The following SCAPER variants were observed in gnomAD, a reference collection of about 807,000 sequenced individuals.
SCAPER encodes S phase cyclin A-associated protein in the endoplasmic reticulum.
SCAPER carries 98 observed loss-of-function variants against 182.2 expected under a neutral mutation model. The ratio of observed to expected loss-of-function variants is 0.54; its 90% CI spans 0.46 to 0.64. The LOEUF is 0.64. SCAPER is among the 30% of genes least tolerant of loss of function. The probability of loss-of-function intolerance (pLI) is 0.00; values close to 1 mark genes in which losing one functional copy is unlikely to be tolerated. For missense variants in SCAPER, 1,432 were observed against 1,690.0 expected, an observed-to-expected ratio of 0.85 and a Z score of 2.68; for synonymous variants, 605 against 564.6, an observed-to-expected ratio of 1.07 and a Z score of -1.01.
chr15:76,505,991 G>A (rs1338248530), intron 23 of SCAPER, among the ~76,000 whole-genome samples: 2 of 152,108 alleles, frequency 1.3e-5, no homozygotes, highest in Non-Finnish European at 2.9e-5. Flanking sequence ...AATGAGCCAG[G>A]TGAAGTAAGA....
chr15:76,664,183 C>T (rs899806497), intron 21 of SCAPER, among the ~76,000 whole-genome samples: 11 of 152,134 alleles, frequency 7.2e-5, no homozygotes, highest in Non-Finnish European at 1.3e-4. Context: ...TACATTTTAG[C>T]AGGTCTGTTG....
chr15:76,905,066 C>T (rs1237257374), intron 1 of SCAPER: 1 of 152,838 alleles, frequency 6.5e-6, no homozygotes, highest in African/African-American at 2.4e-5. Context: ...CCCCAGCCCC[C>T]GTCCCGAGGC....
intron 18 of SCAPER, among the ~76,000 whole-genome samples, chr15:76,705,446 C>T (rs2059206283): frequency 6.6e-6 from 1 of 150,762 alleles, no homozygotes; most frequent in Non-Finnish European, 1.5e-5. Flanking sequence ...ATACCTAATG[C>T]TAAATGACAA....
intron 26 of SCAPER, among the ~76,000 whole-genome samples, chr15:76,405,135 G>A: frequency 8.2e-6 from 1 of 121,262 alleles, no homozygotes; most frequent in Middle Eastern, 6.5e-3. Context: ...TTTTTTTAGA[G>A]ACAGCGTCTC....
intron 17 of SCAPER, 87 bp downstream of exon 17, chr15:76,728,508 A>C: frequency 1.9e-6 from 3 of 1,554,834 alleles, no homozygotes; most frequent in Admixed American, 1.9e-5. Context: ...ATCTCAAAAA[A>C]ACTCTACATG....
rs758215425 is a variant in SCAPER, at chr15:76,733,382, T to G, written c.1869A>C (p.Val623=). 5 of 1,611,400 alleles carry G rather than the reference T, an allele frequency of 3.1e-6. No homozygotes were observed. Among genetic ancestry groups the G allele is most frequent in the Non-Finnish European group, 4.2e-6 (5 of 1,179,262 alleles). Residue 623 remains valine (V), a splice_region_variant and synonymous_variant, in exon 16 of 32, where the codon GTA becomes GTC. Transcript: ENST00000563290. Reference sequence around the variant, plus strand: ...GGGTATTTATAAAGGCAATTTCATTTACCTTTAAAAAAACAAAGAAGGTAA... The same window carrying G: ...GGGTATTTATAAAGGCAATTTCATTGACCTTTAAAAAAACAAAGAAGGTAA... The part of the protein sequence containing the change: ...VKKAQEEEAK[V]NEIAFINTLE...
chr15:76,662,935 A>G (rs1431995223), intron 21 of SCAPER, among the ~76,000 whole-genome samples: 1 of 152,102 alleles, frequency 6.6e-6, no homozygotes, highest in African/African-American at 2.4e-5. Flanking sequence ...AAAGCACTAG[A>G]CATAAAAGAA....
chr15:76,626,428 T>C (rs2052576902), intron 21 of SCAPER, among the ~76,000 whole-genome samples: 1 of 152,042 alleles, frequency 6.6e-6, no homozygotes, highest in Non-Finnish European at 1.5e-5. Context: ...AAAAGATACA[T>C]AATTCCAGCC....
intron 24 of SCAPER, among the ~76,000 whole-genome samples, chr15:76,471,624 C>T (rs1003008471): frequency 6.6e-6 from 1 of 152,148 alleles, no homozygotes; most frequent in African/African-American, 2.4e-5. Flanking sequence ...TTTCTGAATA[C>T]TCTAAGACTA....
intron 25 of SCAPER, among the ~76,000 whole-genome samples, chr15:76,444,201 T>C (rs1478286238): frequency 6.6e-6 from 1 of 152,186 alleles, no homozygotes; most frequent in Non-Finnish European, 1.5e-5. Context: ...TCCTGATTTG[T>C]CTCCTTCTGA....
chr15:76,437,313 G>A (rs962344301), intron 25 of SCAPER, among the ~76,000 whole-genome samples: 2 of 151,874 alleles, frequency 1.3e-5, no homozygotes, highest in Non-Finnish European at 2.9e-5. Context: ...TTCTTCTGGC[G>A]TTTTGCTAGT....
At chr15:76,761,648 T>C (rs1452335685) in intron 14 of SCAPER, among the ~76,000 whole-genome samples, 1 of 152,244 alleles carries the variant, frequency 6.6e-6, no homozygotes, top group East Asian at 1.9e-4. Flanking sequence ...GTCTAAAAGA[T>C]ATTGGTATGA....
intron 22 of SCAPER, among the ~76,000 whole-genome samples, chr15:76,614,784 T>C (rs1432260325): frequency 6.6e-6 from 1 of 152,162 alleles, no homozygotes; most frequent in African/African-American, 2.4e-5. Context: ...CAGGGATAAA[T>C]GAAACAGAAT....
chr15:76,820,680 G>A (rs942798803), intron 5 of SCAPER, among the ~76,000 whole-genome samples: 1 of 151,136 alleles, frequency 6.6e-6, no homozygotes, highest in Non-Finnish European at 1.5e-5. Flanking sequence ...CATGGCACAT[G>A]TATACATATG....
At chr15:76,535,686 A>C (rs2144637493) in intron 23 of SCAPER, among the ~76,000 whole-genome samples, 1 of 152,242 alleles carries the variant, frequency 6.6e-6, no homozygotes, top group South Asian at 2.1e-4. Context: ...TGGCCTACAG[A>C]AATGCACCAA....
intron 26 of SCAPER, among the ~76,000 whole-genome samples, chr15:76,420,704 T>C (rs2142334698): frequency 6.6e-6 from 1 of 152,292 alleles, no homozygotes. Flanking sequence ...ATGCGCCATG[T>C]TGGTGTGCTG....
intron 21 of SCAPER, among the ~76,000 whole-genome samples, chr15:76,658,353 C>T (rs555522832): frequency 6.6e-6 from 1 of 152,098 alleles, no homozygotes; most frequent in Admixed American, 6.5e-5. Context: ...TACAGCTAAC[C>T]ATGGAGTTGA....
In SCAPER at chr15:76,497,372, T is replaced by C. The variant is rs112512301; in HGVS notation, c.2954+7487A>G. Among the ~76,000 whole-genome samples, 296 of 152,232 alleles carry C rather than the reference T, an allele frequency of 1.9e-3. 3 individuals carry two copies. Among genetic ancestry groups the C allele is most frequent in the African/African-American group, 6.5e-3 (268 of 41,536 alleles). On this transcript the variant is annotated intron_variant, in intron 24 of 31. Transcript: ENST00000563290. ...GTAGATTGGTTGCTCTTGAGTCAGATGACCTCTCTTTAGAGTTTAGTCAGC... is the reference window on the plus strand; with the variant it reads ...GTAGATTGGTTGCTCTTGAGTCAGACGACCTCTCTTTAGAGTTTAGTCAGC...
intron 5 of SCAPER, among the ~76,000 whole-genome samples, chr15:76,813,843 G>A (rs1191223590): frequency 2.0e-5 from 3 of 152,138 alleles, no homozygotes; most frequent in African/African-American, 7.2e-5. Context: ...GCTATTCCAT[G>A]TTTATGGGTT....
Sources: gnomAD v4.1 joint callset for allele counts (sites outside exome capture counted in the v4.1 genomes callset) on GRCh38, gnomAD v4.1.1 for gene constraint, MANE v1.5 for transcripts, NCBI Gene and HGNC (gene_info 2026-07-23, HGNC 2026-07-21) for gene names.